Variants in CFDP1 observed in about 807,000 individuals in gnomAD.
CFDP1 encodes chromatin remodeling protein CFDP1, also known as heterochromatin-stabilizing protein CFDP1.
Under a neutral mutation model 40.1 loss-of-function variants are expected in CFDP1, and 31 were observed. The observed-to-expected ratio is 0.77, with a 90% CI of 0.58 to 1.04. CFDP1 has a LOEUF of 1.04. CFDP1 is among the 50% of genes least tolerant of loss of function. The probability of loss-of-function intolerance (pLI) is 0.00; values close to 1 mark genes in which losing one functional copy is unlikely to be tolerated. For missense variants in CFDP1, 423 were observed against 343.4 expected, an observed-to-expected ratio of 1.23 and a Z score of -1.83; for synonymous variants, 167 against 120.0, an observed-to-expected ratio of 1.39 and a Z score of -2.56.
chr16:75,351,722 A>G (rs1283166241), intron 5 of CFDP1, among the ~76,000 whole-genome samples: 1 of 152,184 alleles, frequency 6.6e-6, no homozygotes, highest in Admixed American at 6.5e-5. Context: ...ATGAAAAGGT[A>G]AATAGCCAAG....
At chr16:75,330,338 A>C (rs1482873339) in intron 5 of CFDP1, among the ~76,000 whole-genome samples, 2 of 152,194 alleles carry the variant, frequency 1.3e-5, no homozygotes, top group African/African-American at 4.8e-5. Context: ...TATTATCCCA[A>C]CACTTTGGGA....
rs533539095 is a variant in CFDP1, at chr16:75,421,906, A to C, written c.65-7211T>G. On this transcript the variant is annotated intron_variant, in intron 1 of 6. Transcript: ENST00000283882. ...CAAGTCCCTGATATAAAATGATGTC[A>C]TATTTACATATAAACTATGTACATC... Among the ~76,000 whole-genome samples the C allele has an allele frequency of 4.2e-4, 64 of 152,326 alleles. No homozygotes were observed. In the South Asian group the frequency reaches 0.013, roughly 31 times the overall value.
chr16:75,413,696 C>A (rs1014982742), intron 2 of CFDP1, among the ~76,000 whole-genome samples: 1 of 151,594 alleles, frequency 6.6e-6, no homozygotes, highest in Non-Finnish European at 1.5e-5. Context: ...AAATGATAAT[C>A]TGCTTTTTGC....
chr16:75,392,736 C>T (rs2078962497), intron 5 of CFDP1, among the ~76,000 whole-genome samples: 1 of 152,196 alleles, frequency 6.6e-6, no homozygotes, highest in African/African-American at 2.4e-5. Flanking sequence ...ACTCCTACTA[C>T]ATGTGATGTG....
chr16:75,362,769 G>C (rs1223207845), intron 5 of CFDP1: 6 of 152,120 alleles, frequency 3.9e-5, no homozygotes. Context: ...TGACTGCAAA[G>C]CTTCTGCCCC....
At chr16:75,368,582 T>C (rs1295984923) in intron 5 of CFDP1, among the ~76,000 whole-genome samples, 1 of 152,240 alleles carries the variant, frequency 6.6e-6, no homozygotes, top group African/African-American at 2.4e-5. Flanking sequence ...AAGGATTTAA[T>C]ATAAAAGATT....
chr16:75,433,056 A>G (rs2079443379), intron 1 of CFDP1, among the ~76,000 whole-genome samples: 1 of 152,218 alleles, frequency 6.6e-6, no homozygotes, highest in African/African-American at 2.4e-5. Context: ...CCCGCGCTGC[A>G]AGAGGGGGCG....
intron 5 of CFDP1, among the ~76,000 whole-genome samples, chr16:75,392,132 G>A (rs771611518): frequency 1.3e-5 from 2 of 152,130 alleles, no homozygotes; most frequent in Non-Finnish European, 2.9e-5. Context: ...TTGGATGGGT[G>A]CAGTGGCTCA....
chr16:75,380,531 C>T (rs1250118730), intron 5 of CFDP1, among the ~76,000 whole-genome samples: 2 of 151,386 alleles, frequency 1.3e-5, no homozygotes, highest in Non-Finnish European at 2.9e-5. Flanking sequence ...AAAGTCAATG[C>T]ATCCTCAATG....
chr16:75,366,097 A>G (rs2078711871), intron 5 of CFDP1, among the ~76,000 whole-genome samples: 1 of 152,260 alleles, frequency 6.6e-6, no homozygotes, highest in Admixed American at 6.5e-5. Flanking sequence ...TCATAGCAGC[A>G]TTATTTAAAA....
intron 4 of CFDP1, among the ~76,000 whole-genome samples, chr16:75,399,043 C>T (rs867357854): frequency 1.7e-5 from 2 of 120,072 alleles, no homozygotes; most frequent in Non-Finnish European, 1.6e-5. Flanking sequence ...GGAGACAGAG[C>T]GAGACTCCGT....
At position 75,411,810 on chromosome 16, in the gene CFDP1, T is replaced by G. The variant is rs2079165214; in HGVS notation, c.530+15A>C. ...TTGAAAATGCTAGTTTCAAAGTTTT[T>G]GAAGGTTCTCTTACCTTACTTCTTC... On this transcript the variant is annotated intron_variant, in intron 4 of 6. Transcript: ENST00000283882. 2 of 1,603,948 alleles carry G rather than the reference T, an allele frequency of 1.2e-6. No homozygotes were observed. Among genetic ancestry groups the G allele is most frequent in the East Asian group, 4.5e-5 (2 of 44,736 alleles).
intron 5 of CFDP1, among the ~76,000 whole-genome samples, chr16:75,366,472 A>C (rs1019171285): frequency 4.6e-5 from 7 of 152,106 alleles, no homozygotes; most frequent in African/African-American, 1.4e-4. Flanking sequence ...AAAATGCAAA[A>C]ATCAGCCGGG....
At chr16:75,406,419 TAGGC>T (rs1381280798) in intron 4 of CFDP1, among the ~76,000 whole-genome samples, 1 of 149,956 alleles carries the variant, frequency 6.7e-6, no homozygotes, top group Non-Finnish European at 1.5e-5. Flanking sequence ...AACAAACAAA[TAGGC>T]AGGGTGCGGT....
chr16:75,312,815 T>C (rs1247323881), intron 5 of CFDP1, among the ~76,000 whole-genome samples: 1 of 152,168 alleles, frequency 6.6e-6, no homozygotes, highest in African/African-American at 2.4e-5. Flanking sequence ...GACACCACCA[T>C]CCATTTGTAA....
intron 5 of CFDP1, among the ~76,000 whole-genome samples, chr16:75,347,359 A>AAAAGAAAAG (rs1555556964): frequency 1.9e-5 from 1 of 53,668 alleles, no homozygotes; most frequent in Non-Finnish European, 3.3e-5. Context: ...AAAAAAAAAA[A>AAAAGAAAAG]AAAAAGAAAA....
rs560832622 is a variant in CFDP1 at position 75,429,724 on chromosome 16, A to G, written c.64+3565T>C. On this transcript the variant is annotated intron_variant, in intron 1 of 6. Transcript: ENST00000283882. Reference sequence around the variant, plus strand: ...AGACAAAGTGGAGGCCAGAAGGCAAAGACTGTTTCAGAAGATTAAAGTGAA... The same window carrying G: ...AGACAAAGTGGAGGCCAGAAGGCAAGGACTGTTTCAGAAGATTAAAGTGAA... Among the ~76,000 whole-genome samples, 38 of 152,364 alleles carry G rather than the reference A, an allele frequency of 2.5e-4. No individual in the cohort carries two copies. In the South Asian group the frequency reaches 7.7e-3, roughly 31 times the overall value.
At chr16:75,375,378 A>G (rs1438132629) in intron 5 of CFDP1, among the ~76,000 whole-genome samples, 1 of 152,210 alleles carries the variant, frequency 6.6e-6, no homozygotes, top group African/African-American at 2.4e-5. Context: ...AAACAACCCA[A>G]TAAAAATGGG....
At chr16:75,313,894 G>T (rs1020887606) in intron 5 of CFDP1, among the ~76,000 whole-genome samples, 7 of 150,712 alleles carry the variant, frequency 4.6e-5, no homozygotes, top group Admixed American at 6.6e-5. Flanking sequence ...ACTGTTTTTT[G>T]TTTTTTTTTA....
Sources: gnomAD v4.1 joint callset for allele counts (sites outside exome capture counted in the v4.1 genomes callset) on GRCh38, gnomAD v4.1.1 for gene constraint, MANE v1.5 for transcripts, NCBI Gene and HGNC (gene_info 2026-07-23, HGNC 2026-07-21) for gene names.